The following RIN2 variants were observed in gnomAD, a reference collection of about 807,000 sequenced individuals.
RIN2 encodes RAB5 interacting protein 2.
RIN2 carries 36 observed loss-of-function variants against 78.0 expected under a neutral mutation model. That is an observed-to-expected ratio of 0.46 (90% CI 0.35 to 0.61). The LOEUF is 0.61. Ranked by LOEUF, RIN2 falls within the 20% of genes least tolerant of loss-of-function variation. The pLI, the probability that RIN2 is intolerant of heterozygous loss-of-function variation, is 0.00. For missense variants in RIN2, 1,087 were observed against 1,159.7 expected (o/e 0.94, Z 0.91); for synonymous variants, 466 against 466.8 (o/e 1.00, Z 0.02).
intron 9 of RIN2, among the ~76,000 whole-genome samples, chr20:19,989,574 C>G (rs1307889800): frequency 2.0e-5 from 3 of 152,128 alleles, no homozygotes; most frequent in African/African-American, 7.2e-5. Flanking sequence ...CCACGCCTGG[C>G]CCTCAGAAAA....
At chr20:19,873,928 A>G (rs973803863) in intron 2 of RIN2, among the ~76,000 whole-genome samples, 6 of 152,334 alleles carry the variant, frequency 3.9e-5, no homozygotes, top group African/African-American at 1.4e-4. Flanking sequence ...ACATACACAG[A>G]GGAGCAAAAA....
chr20:19,898,085 C>T (rs966628759), intron 3 of RIN2, among the ~76,000 whole-genome samples: 5 of 152,212 alleles, frequency 3.3e-5, no homozygotes, highest in Admixed American at 2.6e-4. Flanking sequence ...CTCAAGTCAG[C>T]GCCCCCAAGG....
At chr20:19,809,919 C>A (rs1407149818) in intron 2 of RIN2, among the ~76,000 whole-genome samples, 1 of 152,122 alleles carries the variant, frequency 6.6e-6, no homozygotes, top group Non-Finnish European at 1.5e-5. Flanking sequence ...AGATCCTCTG[C>A]CACAAGAGAA....
intron 2 of RIN2, among the ~76,000 whole-genome samples, chr20:19,804,140 C>T (rs187802239): frequency 1.8e-4 from 28 of 152,280 alleles, no homozygotes; most frequent in African/African-American, 6.7e-4. Context: ...ATGTCATCTG[C>T]AAACAAAGGC....
chr20:20,000,479 G>A (rs1002526676), intron 12 of RIN2, 134 bp from the exon 13 acceptor site: 8 of 680,938 alleles, frequency 1.2e-5, no homozygotes, highest in Admixed American at 7.9e-5. Flanking sequence ...TCGAAGCCTC[G>A]TGGCCTGACA....
At chr20:19,804,251 A>C (rs2035334633) in intron 2 of RIN2, among the ~76,000 whole-genome samples, 1 of 152,182 alleles carries the variant, frequency 6.6e-6, no homozygotes, top group African/African-American at 2.4e-5. Context: ...AGGAGTGGTG[A>C]AAGAGGGCAT....
intron 1 of RIN2, among the ~76,000 whole-genome samples, chr20:19,764,145 G>A (rs2033767144): frequency 6.6e-6 from 1 of 151,932 alleles, no homozygotes; most frequent in Non-Finnish European, 1.5e-5. Context: ...ATTTTATTTG[G>A]TAGATCAGGA....
intron 3 of RIN2, among the ~76,000 whole-genome samples, chr20:19,916,995 A>G (rs2123767625): frequency 6.6e-6 from 1 of 152,316 alleles, no homozygotes; most frequent in African/African-American, 2.4e-5. Flanking sequence ...CAGAGTTTAC[A>G]ACGAGAAAAA....
At chr20:19,875,459 C>T (rs1463250456) in intron 2 of RIN2, among the ~76,000 whole-genome samples, 1 of 152,098 alleles carries the variant, frequency 6.6e-6, no homozygotes, top group African/African-American at 2.4e-5. Flanking sequence ...GCCACTGCGC[C>T]CAGCCTAAAT....
intron 4 of RIN2, among the ~76,000 whole-genome samples, chr20:19,944,146 G>A (rs577526282): frequency 6.6e-6 from 1 of 152,080 alleles, no homozygotes; most frequent in Non-Finnish European, 1.5e-5. Context: ...TGCTCTGTGT[G>A]TGTGTATGTC....
rs1311781894 is a variant in RIN2, at chr20:19,917,128, G to A, written c.58-17971G>A. On this transcript the variant is annotated intron_variant, in intron 3 of 12. Transcript: ENST00000255006. ...AAAAATTTAAAAAAAAAAAAGGCAGGCGGAGTGGGTAAGGTACGACTCCAA... is the reference window on the plus strand; with the variant it reads ...AAAAATTTAAAAAAAAAAAAGGCAGACGGAGTGGGTAAGGTACGACTCCAA... Among the ~76,000 whole-genome samples, 4 of 151,804 alleles carry A rather than the reference G, an allele frequency of 2.6e-5. No homozygotes were observed. In the East Asian group the frequency reaches 7.7e-4, roughly 29 times the overall value.
chr20:19,870,519 C>T (rs191456227), intron 2 of RIN2, among the ~76,000 whole-genome samples: 66 of 152,204 alleles, frequency 4.3e-4, no homozygotes, highest in African/African-American at 1.2e-3. Flanking sequence ...CGATGGTGCA[C>T]GTCTGTAATC....
chr20:19,836,143 T>C (rs6132235), intron 2 of RIN2, among the ~76,000 whole-genome samples: 141,762 of 152,250 alleles, frequency 0.93, 66,049 homozygotes, highest in East Asian at 1. Flanking sequence ...CCACGACTGG[T>C]ATCATCTGGT....
At chr20:19,902,194 G>A (rs368908886) in intron 3 of RIN2, among the ~76,000 whole-genome samples, 7 of 152,264 alleles carry the variant, frequency 4.6e-5, no homozygotes, top group African/African-American at 9.6e-5. Flanking sequence ...TGGTGGCTCC[G>A]TGGACACTGT....
At chr20:19,868,492 A>G (rs957344101) in intron 2 of RIN2, among the ~76,000 whole-genome samples, 3 of 152,184 alleles carry the variant, frequency 2.0e-5, no homozygotes, top group Admixed American at 2.0e-4. Context: ...TCCTGAATTC[A>G]TACCACACAC....
intron 2 of RIN2, among the ~76,000 whole-genome samples, chr20:19,866,192 C>A (rs1485702709): frequency 6.6e-6 from 1 of 151,366 alleles, no homozygotes; most frequent in Admixed American, 6.6e-5. Context: ...CTTGCATGTG[C>A]AGTTCACAAT....
At chr20:19,901,205 T>C (rs564519144) in intron 3 of RIN2, among the ~76,000 whole-genome samples, 1 of 152,350 alleles carries the variant, frequency 6.6e-6, no homozygotes. Flanking sequence ...ACCAGCTGGA[T>C]TGTAACTGTC....
At chr20:19,942,647 A>T (rs1201504011) in intron 4 of RIN2, among the ~76,000 whole-genome samples, 1 of 152,180 alleles carries the variant, frequency 6.6e-6, no homozygotes, top group Non-Finnish European at 1.5e-5. Flanking sequence ...TTTGCATGAC[A>T]ATCCATTTAA....
chr20:19,811,594 G>T lies in RIN2; in HGVS notation c.-37+11847G>T, dbSNP rs142258939. On this transcript the variant is annotated intron_variant, in intron 2 of 12. Coordinates refer to ENST00000255006, the MANE Select transcript of RIN2 (RefSeq NM_018993.4). ...GGTGCTTAAGAGATTTTGAGGCAAG[G>T]AACTAATTTGTAGCTTTTAAAACTG... Among the ~76,000 whole-genome samples, 18 of 152,238 alleles carry T rather than the reference G, an allele frequency of 1.2e-4. No individual in the cohort carries two copies. The East Asian group carries it at 3.5e-3, about 29-fold the overall frequency.
Sources: gnomAD v4.1 joint callset for allele counts (sites outside exome capture counted in the v4.1 genomes callset) on GRCh38, gnomAD v4.1.1 for gene constraint, MANE v1.5 for transcripts, NCBI Gene and HGNC (gene_info 2026-07-23, HGNC 2026-07-21) for gene names.